The following ZRANB3 variants were observed in gnomAD, a reference collection of about 807,000 sequenced individuals.
ZRANB3 encodes the protein zinc finger RANBP2-type containing 3.
In ZRANB3, 125 loss-of-function variants were observed where a neutral mutation model predicts 133.8. The observed-to-expected ratio is 0.93, with a 90% CI of 0.81 to 1.08. The LOEUF (loss-of-function observed/expected upper bound fraction) is 1.08. ZRANB3 is among the 50% of genes least tolerant of loss of function. The pLI, the probability that ZRANB3 is intolerant of heterozygous loss-of-function variation, is 0.00. For synonymous variants in ZRANB3, 387 were observed against 432.7 expected, an observed-to-expected ratio of 0.89 and a Z score of 1.31; for missense variants, 1,229 against 1,275.5, an observed-to-expected ratio of 0.96 and a Z score of 0.56.
chr2:135,291,178 T>A (rs1399754228), intron 8 of ZRANB3, among the ~76,000 whole-genome samples: 1 of 148,052 alleles, frequency 6.8e-6, no homozygotes, highest in Admixed American at 6.7e-5. Flanking sequence ...CACCAATTAT[T>A]CTTAATTCTT....
At chr2:135,439,406 GCAAGTAAAATAAAATAACTAACAGATTA>G (rs1689684514) in intron 2 of ZRANB3, among the ~76,000 whole-genome samples, 1 of 152,032 alleles carries the variant, frequency 6.6e-6, no homozygotes. Flanking sequence ...TTTCCTCTTT[GCAAGTAAAATAAAATAACTAACAGATTA>G]ACTTTGAAGC....
chr2:135,200,491 T>C, intron 20 of ZRANB3, 51 bp from the exon 21 acceptor site: 1 of 1,426,146 alleles, frequency 7.0e-7, no homozygotes, highest in South Asian at 1.3e-5. Context: ...AAGCACCGGC[T>C]ACAAAAGCTC....
chr2:135,291,755 C>G (rs1012680441), intron 8 of ZRANB3, among the ~76,000 whole-genome samples: 1 of 151,790 alleles, frequency 6.6e-6, no homozygotes, highest in Non-Finnish European at 1.5e-5. Flanking sequence ...CTTCCCCCAC[C>G]CCACAACAGG....
At chr2:135,329,545 CT>C (rs1340223455) in intron 6 of ZRANB3, among the ~76,000 whole-genome samples, 2 of 152,148 alleles carry the variant, frequency 1.3e-5, no homozygotes, top group Admixed American at 1.3e-4. Context: ...AATGCAGACT[CT>C]TTTTTGGTTC....
chr2:135,210,640 T>C (rs146505619), intron 17 of ZRANB3, among the ~76,000 whole-genome samples: 251 of 152,068 alleles, frequency 1.7e-3, no homozygotes, highest in Non-Finnish European at 2.7e-3. Context: ...ATTTTAGAAA[T>C]AGTTTATTTT....
At chr2:135,438,497 C>T (rs2104989982) in intron 2 of ZRANB3, among the ~76,000 whole-genome samples, 1 of 144,622 alleles carries the variant, frequency 6.9e-6, no homozygotes, top group Admixed American at 6.8e-5. Flanking sequence ...AAGAGCAAAA[C>T]CCCGTCTCAA....
chr2:135,275,797 A>C, intron 8 of ZRANB3, 42 bp from the exon 9 acceptor site: 2 of 1,403,434 alleles, frequency 1.4e-6, no homozygotes, highest in Non-Finnish European at 1.9e-6. Flanking sequence ...CATAAAAATG[A>C]TTATTTAAAA....
intron 2 of ZRANB3, among the ~76,000 whole-genome samples, chr2:135,434,470 G>A (rs538381470): frequency 6.6e-6 from 1 of 152,228 alleles, no homozygotes; most frequent in Admixed American, 6.5e-5. Flanking sequence ...CATTGGAGAA[G>A]GAAGATAATC....
chr2:135,256,209 T>C (rs537956080), intron 12 of ZRANB3, among the ~76,000 whole-genome samples: 3 of 152,320 alleles, frequency 2.0e-5, no homozygotes, highest in South Asian at 4.1e-4. Flanking sequence ...TGTGTCTCTA[T>C]GGATTTGCCT....
chr2:135,320,734 T>C (rs970933576), intron 6 of ZRANB3, among the ~76,000 whole-genome samples: 1 of 152,226 alleles, frequency 6.6e-6, no homozygotes, highest in Non-Finnish European at 1.5e-5. Context: ...GAGTTAACTT[T>C]TGACTTTGGA....
chr2:135,431,976 C>T (rs1485411999), intron 2 of ZRANB3, among the ~76,000 whole-genome samples: 2 of 152,072 alleles, frequency 1.3e-5, no homozygotes, highest in African/African-American at 4.8e-5. Flanking sequence ...AAAGGCTGGC[C>T]GTGGTGGCTC....
chr2:135,516,630 A>C (rs1056075609), intron 1 of ZRANB3, among the ~76,000 whole-genome samples: 6 of 152,212 alleles, frequency 3.9e-5, no homozygotes, highest in African/African-American at 1.4e-4. Context: ...TTCTGCTGAG[A>C]GATCCACTGT....
chr2:135,209,128 T>C, intron 17 of ZRANB3, 150 bp from the exon 18 acceptor site: 1 of 639,264 alleles, frequency 1.6e-6, no homozygotes, highest in Non-Finnish European at 2.6e-6. Context: ...AAATGGAATT[T>C]TTACCCTTTA....
intron 2 of ZRANB3, among the ~76,000 whole-genome samples, chr2:135,469,750 C>T (rs113333689): frequency 2.6e-5 from 4 of 152,132 alleles, no homozygotes; most frequent in South Asian, 2.1e-4. Context: ...CGGTGGCTCA[C>T]GCCTGGATTC....
chr2:135,291,291 T>A (rs978965402), intron 8 of ZRANB3, among the ~76,000 whole-genome samples: 34 of 152,292 alleles, frequency 2.2e-4, no homozygotes, highest in African/African-American at 8.2e-4. Flanking sequence ...CAAGCGATTC[T>A]CCAGCCTCAG....
intron 15 of ZRANB3, 37 bp from the exon 16 acceptor site, chr2:135,219,215 T>C: frequency 1.6e-6 from 2 of 1,280,088 alleles, no homozygotes; most frequent in Non-Finnish European, 2.1e-6. Flanking sequence ...TAATCCATTT[T>C]TGTATAGGCA....
intron 2 of ZRANB3, among the ~76,000 whole-genome samples, chr2:135,458,477 A>G (rs967534722): frequency 6.6e-6 from 1 of 152,104 alleles, no homozygotes; most frequent in Non-Finnish European, 1.5e-5. Flanking sequence ...TGCTGCATAT[A>G]TGTCTACCAG....
chr2:135,259,176 T>C (rs1485998029), intron 12 of ZRANB3, among the ~76,000 whole-genome samples: 1 of 151,898 alleles, frequency 6.6e-6, no homozygotes, highest in African/African-American at 2.4e-5. Context: ...TGTACCACCA[T>C]GCCCAGCTAA....
In ZRANB3 at chr2:135,439,052, T is replaced by C. The variant is rs987097177; in HGVS notation, c.162-48232A>G. On this transcript the variant is annotated intron_variant, in intron 2 of 20. Transcript: ENST00000264159. Reference sequence around the variant, plus strand: ...ATTTTGTACGTTATATTATCTGTATTTGCTAATGTATAGCAAATATGGATA... The same window carrying C: ...ATTTTGTACGTTATATTATCTGTATCTGCTAATGTATAGCAAATATGGATA... Among the ~76,000 whole-genome samples, 3 of 152,206 alleles carry C rather than the reference T, an allele frequency of 2.0e-5. No individual in the cohort carries two copies. In the East Asian group the frequency reaches 5.8e-4, roughly 29 times the overall value.
Sources: allele counts gnomAD v4.1 joint callset (sites outside exome capture counted in the v4.1 genomes callset), GRCh38; gene constraint gnomAD v4.1.1; transcripts MANE v1.5; gene names NCBI Gene and HGNC (gene_info 2026-07-23, HGNC 2026-07-21).